Variants in NRP1 observed in about 807,000 individuals in gnomAD.
NRP1 encodes neuropilin 1.
A neutral mutation model predicts 106.7 loss-of-function variants in NRP1; 35 were observed. That is an observed-to-expected ratio of 0.33 (90% confidence interval 0.25 to 0.43). NRP1 has a LOEUF of 0.43. Among genes scored for constraint, NRP1 ranks in the 20% least tolerant of loss-of-function variants. The pLI is 1.00. For synonymous variants in NRP1, 437 were observed against 417.9 expected, an observed-to-expected ratio of 1.05 and a Z score of -0.56; for missense variants, 1,024 against 1,170.4, an observed-to-expected ratio of 0.87 and a Z score of 1.83.
intron 14 of NRP1, 21 bp from the exon 15 acceptor site, chr10:33,185,745 T>A (rs1476275567): frequency 6.9e-6 from 11 of 1,594,572 alleles, no homozygotes; most frequent in Middle Eastern, 1.7e-4. Flanking sequence ...AAGATCATTT[T>A]CACAGTATTG....
intron 12 of NRP1, among the ~76,000 whole-genome samples, chr10:33,197,273 C>T (rs1836855119): frequency 6.6e-6 from 1 of 152,192 alleles, no homozygotes; most frequent in African/African-American, 2.4e-5. Context: ...CAAACTTTGC[C>T]TGCCTGGGTT....
At chr10:33,243,955 G>C (rs1588828799) in intron 6 of NRP1, among the ~76,000 whole-genome samples, 1 of 151,842 alleles carries the variant, frequency 6.6e-6, no homozygotes, top group East Asian at 1.9e-4. Context: ...GTGTGTGTGT[G>C]TGTGTGTGTG....
At chr10:33,231,693 AC>A (rs748312723) in intron 6 of NRP1, among the ~76,000 whole-genome samples, 6 of 152,250 alleles carry the variant, frequency 3.9e-5, no homozygotes, top group Non-Finnish European at 8.8e-5. Context: ...CAAAACGCGA[AC>A]CCATGACTAC....
intron 15 of NRP1, among the ~76,000 whole-genome samples, 197 bp from the exon 16 acceptor site, chr10:33,182,945 G>A (rs889978497): frequency 1.3e-5 from 2 of 152,000 alleles, no homozygotes; most frequent in Admixed American, 6.6e-5. Context: ...TTAAATGACC[G>A]GGAAATTGGT....
At chr10:33,330,549 T>C (rs182610094) in intron 2 of NRP1, among the ~76,000 whole-genome samples, 159 bp downstream of exon 2, 23 of 152,312 alleles carry the variant, frequency 1.5e-4, no homozygotes, top group Admixed American at 1.4e-3. Context: ...TCACTTAACG[T>C]ACTTCAATTT....
chr10:33,298,920 A>G (rs1588949311), intron 2 of NRP1, among the ~76,000 whole-genome samples: 1 of 152,230 alleles, frequency 6.6e-6, no homozygotes, highest in South Asian at 2.1e-4. Context: ...TACTCTCACC[A>G]CCACCACTAC....
intron 2 of NRP1, among the ~76,000 whole-genome samples, chr10:33,284,943 TA>T (rs139814626): frequency 0.037 from 5,686 of 152,216 alleles, 165 homozygotes; most frequent in Non-Finnish European, 0.061. Context: ...TCAGAAGCAA[TA>T]AAAAAATTCA....
chr10:33,192,315 C>T lies in NRP1; in HGVS notation c.2028G>A (p.Leu676=). 1 of 1,613,766 alleles carries T rather than the reference C, an allele frequency of 6.2e-7. No homozygotes were observed. Among genetic ancestry groups the T allele is most frequent in the Non-Finnish European group, 8.5e-7 (1 of 1,179,818 alleles). ...CCTGAATGGGTCCCGTCTTGCTGGTCAACACACTCCACTTGAGCTGCACGT... is the reference window on the plus strand; with the variant it reads ...CCTGAATGGGTCCCGTCTTGCTGGTTAACACACTCCACTTGAGCTGCACGT... ...DNHVQLKWSV[L]TSKTGPIQDH... The change falls in exon 13 of 17, where the codon TTG becomes TTA. Residue 676 remains leucine (L), a synonymous_variant. Coordinates refer to ENST00000374867, the MANE Select transcript of NRP1 (RefSeq NM_003873.7).
rs534435034 is a variant in NRP1 at position 33,318,415 on chromosome 10, G to A, written c.248+12293C>T. On this transcript the variant is annotated intron_variant, in intron 2 of 16. Transcript: ENST00000374867. ...CTTTTTCACAGGGAGCTGCTAACAG[G>A]ATCCCCTGACAATCCAAAATCCCCA... 3.0e-4 allele frequency among the ~76,000 whole-genome samples: 46 copies of A among 152,244 alleles called. 1 individual carries two copies. The South Asian group carries it at 5.6e-3, about 19-fold the overall frequency.
chr10:33,210,154 A>G (rs570708791), intron 9 of NRP1, among the ~76,000 whole-genome samples: 4 of 151,736 alleles, frequency 2.6e-5, no homozygotes, highest in African/African-American at 4.8e-5. Context: ...TTAAAAATGC[A>G]TTGCTAATAT....
At chr10:33,188,027 T>C (rs1403262955) in intron 13 of NRP1, among the ~76,000 whole-genome samples, 1 of 152,178 alleles carries the variant, frequency 6.6e-6, no homozygotes, top group Non-Finnish European at 1.5e-5. Context: ...TCTCTGACCT[T>C]GCAGGTGTCC....
At chr10:33,256,605 T>A in intron 4 of NRP1, 134 bp from the exon 5 acceptor site, 1 of 938,538 alleles carries the variant, frequency 1.1e-6, no homozygotes, top group Non-Finnish European at 1.6e-6. Context: ...TTCCCTAAGT[T>A]AATTGGTTTG....
chr10:33,334,292 C>T lies in NRP1; in HGVS notation c.73+18G>A, dbSNP rs1345281550. On this transcript the variant is annotated intron_variant, in intron 1 of 16. Coordinates refer to ENST00000374867, the MANE Select transcript of NRP1 (RefSeq NM_003873.7). ...AGCCGGGGCGCCGCTGTCACCCGCG[C>T]CTCTGCCTGTCACTTACCGTTGCGA... 1 of 1,538,082 alleles carries T rather than the reference C, an allele frequency of 6.5e-7. No homozygotes were observed. The highest frequency in any genetic ancestry group is 1.4e-5 in the African/African-American group (1 of 72,640).
rs1345322621 is a variant in NRP1, at chr10:33,300,833, TG to T, written c.248+29874del. On this transcript the variant is annotated intron_variant, in intron 2 of 16. Coordinates refer to ENST00000374867, the MANE Select transcript of NRP1 (RefSeq NM_003873.7). ...TCCTGCCCTTTCCAGACTGAACCAATGTTCATCTTACATATGTTGATTGATG... is the reference window on the plus strand; with the variant it reads ...TCCTGCCCTTTCCAGACTGAACCAATTTCATCTTACATATGTTGATTGATG... 2.0e-5 allele frequency among the ~76,000 whole-genome samples: 3 copies of T among 152,220 alleles called. No individual in the cohort carries two copies. In the East Asian group the frequency reaches 5.8e-4, roughly 29 times the overall value.
intron 1 of NRP1, among the ~76,000 whole-genome samples, chr10:33,333,014 A>G (rs1333699877): frequency 6.6e-6 from 1 of 152,170 alleles, no homozygotes. Flanking sequence ...GTTGTGGAGG[A>G]CAGGGTTACT....
At chr10:33,205,106 G>A (rs1837660434) in intron 10 of NRP1, among the ~76,000 whole-genome samples, 1 of 152,198 alleles carries the variant, frequency 6.6e-6, no homozygotes, top group Non-Finnish European at 1.5e-5. Context: ...GGAGTGGACT[G>A]CATCTTTCTC....
At position 33,263,563 on chromosome 10, in the gene NRP1, C is replaced by T. The variant is rs192683704; in HGVS notation, c.658+83G>A. 2,309 of 964,280 alleles carry T rather than the reference C, an allele frequency of 2.4e-3. 8 individuals are homozygous for T. Among genetic ancestry groups the T allele is most frequent in the Admixed American group, 5.6e-3 (240 of 42,702 alleles). 59.7% of individuals were successfully genotyped at this position (964,280 alleles called of 1,614,324 possible). ...CCTTTTGAGGTTTTTTTTAATGATT[C>T]ATGTATCATGAGACTTGTAAAAGAA... On this transcript the variant is annotated intron_variant, in intron 4 of 16. Transcript: ENST00000374867.
intron 11 of NRP1, 126 bp downstream of exon 11, chr10:33,202,765 G>T (rs1431355120): frequency 1.3e-6 from 2 of 1,582,512 alleles, no homozygotes; most frequent in Non-Finnish European, 8.6e-7. Flanking sequence ...GTTCTGGCAA[G>T]GCAGCTTCTA....
At chr10:33,241,123 G>C (rs1840979230) in intron 6 of NRP1, among the ~76,000 whole-genome samples, 1 of 152,226 alleles carries the variant, frequency 6.6e-6, no homozygotes, top group Non-Finnish European at 1.5e-5. Flanking sequence ...GCAAAGGCCA[G>C]CCTAGGGCAG....
Sources: gnomAD v4.1 joint callset for allele counts (sites outside exome capture counted in the v4.1 genomes callset) on GRCh38, gnomAD v4.1.1 for gene constraint, MANE v1.5 for transcripts, NCBI Gene and HGNC (gene_info 2026-07-23, HGNC 2026-07-21) for gene names.